GLG1: variants seen among roughly 807,000 people sequenced by gnomAD.
GLG1 encodes the protein Golgi apparatus protein 1.
GLG1 carries 38 observed loss-of-function variants against 160.5 expected under a neutral mutation model. That is an observed-to-expected ratio of 0.24 (90% CI 0.18 to 0.31). The LOEUF is 0.31. Among genes scored for constraint, GLG1 ranks in the 10% least tolerant of loss-of-function variants. The probability of loss-of-function intolerance (pLI) is 1.00; values close to 1 mark genes in which losing one functional copy is unlikely to be tolerated. For synonymous variants in GLG1, 644 were observed against 543.4 expected (o/e 1.19, Z -2.57); for missense variants, 1,373 against 1,505.2 (o/e 0.91, Z 1.45).
rs530029207 is a variant in GLG1, at chr16:74,473,460, CAT to C, written c.2053-1051_2053-1050del. Among the ~76,000 whole-genome samples the C allele has an allele frequency of 1.7e-3, 159 of 92,468 alleles. 1 individual carries two copies. The South Asian group carries it at 0.021, about 12-fold the overall frequency. The allele number at this position is 92,468 out of a possible 152,430, so 60.7% of individuals were successfully genotyped here. On this transcript the variant is annotated intron_variant, in intron 13 of 25. Coordinates refer to ENST00000422840, the MANE Select transcript of GLG1 (RefSeq NM_001145667.2). ...ACCTTTTTTTTTTTTTTTTTTGAGA[CAT>C]AGAGTCTCGCTCTGTTGCTCGGGCT...
intron 4 of GLG1, among the ~76,000 whole-genome samples, chr16:74,500,045 G>C (rs1167099993): frequency 1.3e-5 from 2 of 152,108 alleles, no homozygotes; most frequent in East Asian, 1.9e-4. Context: ...TTCTCTACTA[G>C]ATGTTTCCAT....
intron 9 of GLG1, among the ~76,000 whole-genome samples, chr16:74,485,070 C>G (rs879471660): frequency 6.6e-6 from 1 of 152,168 alleles, no homozygotes; most frequent in South Asian, 2.1e-4. Context: ...TGCACCACCA[C>G]GCCAGCTGAT....
At chr16:74,516,086 A>C (rs2016968805) in intron 2 of GLG1, among the ~76,000 whole-genome samples, 1 of 151,662 alleles carries the variant, frequency 6.6e-6, no homozygotes, top group Admixed American at 6.6e-5. Flanking sequence ...AGAGACTTAG[A>C]CTCTCACACA....
intron 3 of GLG1, among the ~76,000 whole-genome samples, chr16:74,506,585 A>AAAAAAAAAC (rs2016614803): frequency 7.1e-6 from 1 of 140,312 alleles, no homozygotes; most frequent in Non-Finnish European, 1.6e-5. Flanking sequence ...CCGTCTCAAA[A>AAAAAAAAAC]AAAAAAAAAA....
chr16:74,459,486 G>T, intron 23 of GLG1, among the ~76,000 whole-genome samples, 196 bp downstream of exon 23: 1 of 152,114 alleles, frequency 6.6e-6, no homozygotes, highest in East Asian at 1.9e-4. Context: ...GAAAAGAAAA[G>T]AATATTCACA....
chr16:74,476,904 C>T (rs1168547325), intron 12 of GLG1, among the ~76,000 whole-genome samples: 1 of 152,206 alleles, frequency 6.6e-6, no homozygotes, highest in Non-Finnish European at 1.5e-5. Flanking sequence ...GCCCACTATT[C>T]ATGCAGACCA....
intron 1 of GLG1, among the ~76,000 whole-genome samples, chr16:74,553,442 G>C (rs1212865595): frequency 6.7e-6 from 1 of 149,560 alleles, no homozygotes; most frequent in East Asian, 2.0e-4. Context: ...CAATTTTCTG[G>C]AACATTCTTT....
In GLG1 at chr16:74,506,348, G is replaced by A. The variant is rs376481336; in HGVS notation, c.558+2491C>T. On this transcript the variant is annotated intron_variant, in intron 3 of 25. Transcript: ENST00000422840. ...AATCCCGGCACTTTGGGAGGCCCAG[G>A]CGGGCGGATCACGAGGTCAGGAGAC... Among the ~76,000 whole-genome samples, 31 of 151,624 alleles carry A rather than the reference G, an allele frequency of 2.0e-4. No homozygotes were observed. In the East Asian group the frequency reaches 3.7e-3, roughly 18 times the overall value.
Position 74,562,926 on chromosome 16 carries a change from C to G in GLG1, c.439-30773G>C, listed in dbSNP as rs558488806. Among the ~76,000 whole-genome samples the G allele has an allele frequency of 4.8e-4, 73 of 152,250 alleles. 1 individual carries two copies. The South Asian group carries it at 0.015, about 31-fold the overall frequency. ...AACTCTGGGGCCTCAAACACTGGGT[C>G]AATTGATATCACAATGCAGGAGGGC... On this transcript the variant is annotated intron_variant, in intron 1 of 25. Transcript: ENST00000422840.
In GLG1 at chr16:74,573,134, T is replaced by C. The variant is rs559465994; in HGVS notation, c.438+33523A>G. On this transcript the variant is annotated intron_variant, in intron 1 of 25. Coordinates refer to ENST00000422840, the MANE Select transcript of GLG1 (RefSeq NM_001145667.2). ...TTTCACATATCCTCAGACCCAGAAA[T>C]AGATAATTGACACATAAGCCCAGCA... 3.9e-5 allele frequency among the ~76,000 whole-genome samples: 6 copies of C among 152,136 alleles called. No individual in the cohort carries two copies. In the South Asian group the frequency reaches 8.3e-4, roughly 21 times the overall value.
chr16:74,504,236 G>A (rs761172149), intron 3 of GLG1, among the ~76,000 whole-genome samples: 4 of 152,182 alleles, frequency 2.6e-5, no homozygotes, highest in Admixed American at 6.5e-5. Flanking sequence ...GCAAACCTAA[G>A]GGCCAAGGAG....
chr16:74,581,637 A>G (rs984534840), intron 1 of GLG1, among the ~76,000 whole-genome samples: 1 of 151,952 alleles, frequency 6.6e-6, no homozygotes, highest in African/African-American at 2.4e-5. Flanking sequence ...GTTAACAAAG[A>G]TCTTTCAAGA....
At chr16:74,468,075 C>T in intron 17 of GLG1, 1 of 465,156 alleles carries the variant, frequency 2.1e-6, no homozygotes. Flanking sequence ...CCCTGAAACA[C>T]CTTATTTAGT....
At chr16:74,523,126 C>A (rs974009580) in intron 2 of GLG1, among the ~76,000 whole-genome samples, 1 of 152,122 alleles carries the variant, frequency 6.6e-6, no homozygotes, top group Non-Finnish European at 1.5e-5. Context: ...TTATGGAGCA[C>A]AAGAGATACT....
chr16:74,473,962 T>C (rs1597239751), intron 13 of GLG1, among the ~76,000 whole-genome samples: 1 of 152,058 alleles, frequency 6.6e-6, no homozygotes, highest in East Asian at 1.9e-4. Flanking sequence ...TATTTTTTTT[T>C]TTTTTTTGAA....
rs2017331810 is a variant in GLG1, at chr16:74,526,348, T to C, written c.471+5773A>G. On this transcript the variant is annotated intron_variant, in intron 2 of 25. Transcript: ENST00000422840. ...GAAGACATATTTTATGGTAATTCTT[T>C]TCCTTAGAACTTTGGCACTTAGAAA... Among the ~76,000 whole-genome samples the C allele has an allele frequency of 2.7e-5, 4 of 146,460 alleles. No homozygotes were observed. The South Asian group carries it at 9.2e-4, about 34-fold the overall frequency.
intron 2 of GLG1, among the ~76,000 whole-genome samples, chr16:74,520,983 T>C (rs137994373): frequency 1.4e-3 from 215 of 152,232 alleles, no homozygotes; most frequent in African/African-American, 4.9e-3. Flanking sequence ...ATCAAGTAAA[T>C]GTGTCAGGTG....
At position 74,480,265 on chromosome 16, in the gene GLG1, G is replaced by A; in HGVS notation, c.1803C>T (p.Tyr601=). Reference sequence around the variant, plus strand: ...CCCTCCTTCCCTGTTCCTCAGTGCGGTAGGCGTGTCTGTATAAACAAGAGA... The same window carrying A: ...CCCTCCTTCCCTGTTCCTCAGTGCGATAGGCGTGTCTGTATAAACAAGAGA... ...AVFSCLYRHA[Y]RTEEQGRRLS... is the part of the protein sequence containing the mutation. Residue 601 remains tyrosine (Y), a synonymous_variant, in exon 11 of 26, where the codon TAC becomes TAT. Coordinates refer to ENST00000422840, the MANE Select transcript of GLG1 (RefSeq NM_001145667.2). 1 of 1,612,014 alleles carries A rather than the reference G, an allele frequency of 6.2e-7. No homozygotes were observed. The highest frequency in any genetic ancestry group is 8.5e-7 in the Non-Finnish European group (1 of 1,178,094).
At chr16:74,574,215 A>T (rs2018921999) in intron 1 of GLG1, among the ~76,000 whole-genome samples, 1 of 152,246 alleles carries the variant, frequency 6.6e-6, no homozygotes, top group Non-Finnish European at 1.5e-5. Context: ...ATTATTTCCC[A>T]TCAACAGGAT....
Sources: allele counts gnomAD v4.1 joint callset (sites outside exome capture counted in the v4.1 genomes callset), GRCh38; gene constraint gnomAD v4.1.1; transcripts MANE v1.5; gene names NCBI Gene and HGNC (gene_info 2026-07-23, HGNC 2026-07-21).